Variants in TCERG1L observed in about 807,000 individuals in gnomAD.
The protein encoded by TCERG1L is transcription elongation regulator 1-like protein.
Under a neutral mutation model 56.3 loss-of-function variants are expected in TCERG1L, and 37 were observed. The ratio of observed to expected loss-of-function variants is 0.66; its 90% confidence interval spans 0.51 to 0.87. The LOEUF (loss-of-function observed/expected upper bound fraction) is 0.87. TCERG1L is among the 40% of genes least tolerant of loss of function. The pLI is 0.00. For synonymous variants in TCERG1L, 324 were observed against 326.3 expected, an observed-to-expected ratio of 0.99 and a Z score of 0.08; for missense variants, 799 against 774.2, an observed-to-expected ratio of 1.03 and a Z score of -0.38.
intron 8 of TCERG1L, among the ~76,000 whole-genome samples, chr10:131,133,581 C>G (rs1845641939): frequency 6.6e-6 from 1 of 152,262 alleles, no homozygotes; most frequent in Non-Finnish European, 1.5e-5. Flanking sequence ...CAGGGTCCTC[C>G]CCACCCTTCT....
At chr10:131,213,045 C>T (rs567296713) in intron 4 of TCERG1L, among the ~76,000 whole-genome samples, 2 of 152,372 alleles carry the variant, frequency 1.3e-5, no homozygotes, top group South Asian at 4.1e-4. Context: ...ATCAGGCAGG[C>T]AGCCAAGCAA....
chr10:131,247,926 G>A (rs1846056720), intron 4 of TCERG1L, among the ~76,000 whole-genome samples: 2 of 151,074 alleles, frequency 1.3e-5, no homozygotes, highest in African/African-American at 2.4e-5. Flanking sequence ...GCATACACAC[G>A]ACTCACACAC....
intron 4 of TCERG1L, 69 bp from the exon 5 acceptor site, chr10:131,166,954 A>T: frequency 7.0e-7 from 1 of 1,424,198 alleles, no homozygotes; most frequent in Admixed American, 2.0e-5. Flanking sequence ...TAAGCAATCA[A>T]AGACAAAAAG....
intron 3 of TCERG1L, among the ~76,000 whole-genome samples, chr10:131,282,009 G>A (rs539108915): frequency 1.1e-3 from 173 of 152,062 alleles, no homozygotes; most frequent in African/African-American, 3.7e-3. Flanking sequence ...GGTGGCGGGC[G>A]CCTGTAGTCC....
chr10:131,213,420 C>T (rs774533273), intron 4 of TCERG1L, among the ~76,000 whole-genome samples: 1 of 152,186 alleles, frequency 6.6e-6, no homozygotes, highest in African/African-American at 2.4e-5. Context: ...TTTCTCTGCA[C>T]CAGAACCGGA....
chr10:131,206,470 G>A (rs1422426643), intron 4 of TCERG1L, among the ~76,000 whole-genome samples: 1 of 152,220 alleles, frequency 6.6e-6, no homozygotes, highest in Non-Finnish European at 1.5e-5. Context: ...GGGGCACGAG[G>A]AGAGGCAGAA....
chr10:131,280,889 G>A (rs7068615), intron 3 of TCERG1L, among the ~76,000 whole-genome samples: 2,427 of 152,154 alleles, frequency 0.016, 51 homozygotes, highest in Middle Eastern at 0.02. Context: ...TGTCCTTTTC[G>A]TCTGTCAGGT....
intron 4 of TCERG1L, among the ~76,000 whole-genome samples, chr10:131,256,631 A>G (rs145188728): frequency 6.6e-6 from 1 of 152,184 alleles, no homozygotes; most frequent in Non-Finnish European, 1.5e-5. Context: ...CACGCCTCTA[A>G]TCCCAGCACT....
At chr10:131,202,282 G>T (rs1326890104) in intron 4 of TCERG1L, among the ~76,000 whole-genome samples, 1 of 152,162 alleles carries the variant, frequency 6.6e-6, no homozygotes, top group Admixed American at 6.5e-5. Context: ...ACAAAAGCTG[G>T]TAAGGCCGGA....
intron 3 of TCERG1L, among the ~76,000 whole-genome samples, chr10:131,289,376 C>G (rs1564834725): frequency 6.6e-6 from 1 of 152,114 alleles, no homozygotes; most frequent in South Asian, 2.1e-4. Flanking sequence ...ATAAAAGATA[C>G]GATATAGTTG....
At chr10:131,207,852 T>C (rs748265) in intron 4 of TCERG1L, among the ~76,000 whole-genome samples, 136,604 of 152,084 alleles carry the variant, frequency 0.9, 61,934 homozygotes, top group East Asian at 1. Flanking sequence ...AGGACAAGCA[T>C]CATGGAAAGA....
At chr10:131,115,661 G>T (rs1845453448) in intron 9 of TCERG1L, among the ~76,000 whole-genome samples, 1 of 152,150 alleles carries the variant, frequency 6.6e-6, no homozygotes, top group African/African-American at 2.4e-5. Context: ...AGTAAATGAT[G>T]AAATACATAA....
chr10:131,232,184 C>T (rs542196169), intron 4 of TCERG1L, among the ~76,000 whole-genome samples: 11 of 152,352 alleles, frequency 7.2e-5, no homozygotes, highest in East Asian at 5.8e-4. Flanking sequence ...CATTCTCACG[C>T]GCTGTCATGC....
chr10:131,148,489 CAT>C (rs1189979914), intron 6 of TCERG1L, among the ~76,000 whole-genome samples: 22 of 151,776 alleles, frequency 1.4e-4, no homozygotes, highest in Admixed American at 7.2e-4. Context: ...CACATGCACA[CAT>C]ATATACACAC....
intron 3 of TCERG1L, among the ~76,000 whole-genome samples, chr10:131,291,593 A>G (rs1201746023): frequency 1.3e-5 from 2 of 150,640 alleles, no homozygotes; most frequent in African/African-American, 4.9e-5. Context: ...CACCCGGCTA[A>G]TTTTTTGTAT....
intron 4 of TCERG1L, among the ~76,000 whole-genome samples, chr10:131,254,755 G>A (rs555684693): frequency 4.6e-5 from 7 of 152,324 alleles, no homozygotes; most frequent in Admixed American, 2.0e-4. Flanking sequence ...TGTGAGGCAC[G>A]AACTCCTGGG....
chr10:131,158,821 G>A (rs1845948620), intron 6 of TCERG1L, among the ~76,000 whole-genome samples: 1 of 152,232 alleles, frequency 6.6e-6, no homozygotes, highest in Non-Finnish European at 1.5e-5. Context: ...CAGACAGAAG[G>A]AGATTCCCTG....
chr10:131,212,235 G>C (rs1845627585), intron 4 of TCERG1L, among the ~76,000 whole-genome samples: 1 of 152,202 alleles, frequency 6.6e-6, no homozygotes, highest in Non-Finnish European at 1.5e-5. Flanking sequence ...CAAGACAGCA[G>C]CTCTCCCACT....
rs540055809 is a variant in TCERG1L, at chr10:131,159,948, C to A, written c.1034+3174G>T. 6.6e-5 allele frequency among the ~76,000 whole-genome samples: 10 copies of A among 152,256 alleles called. No homozygotes were observed. In the East Asian group the frequency reaches 1.9e-3, roughly 29 times the overall value. ...CCTCTGAGGTCTGGTGGCGGTCTGC[C>A]AATACTCACATCCTGATTCCAACAG... On this transcript the variant is annotated intron_variant, in intron 6 of 11. Coordinates refer to ENST00000368642, the MANE Select transcript of TCERG1L (RefSeq NM_174937.4).
Sources: gnomAD v4.1 joint callset for allele counts (sites outside exome capture counted in the v4.1 genomes callset) on GRCh38, gnomAD v4.1.1 for gene constraint, MANE v1.5 for transcripts, NCBI Gene and HGNC (gene_info 2026-07-23, HGNC 2026-07-21) for gene names.